Variants in CDKL4 observed in about 807,000 individuals in gnomAD.
The protein encoded by CDKL4 is cyclin dependent kinase like 4.
CDKL4 carries 44 observed loss-of-function variants against 42.0 expected under a neutral mutation model. The observed-to-expected ratio is 1.05, with a 90% CI of 0.82 to 1.35. The LOEUF (loss-of-function observed/expected upper bound fraction) is 1.35. CDKL4 is among the 40% of genes most tolerant of loss of function. The pLI is 0.00. For synonymous variants in CDKL4, 120 were observed against 121.6 expected (o/e 0.99, Z 0.09); for missense variants, 393 against 369.9 (o/e 1.06, Z -0.51).
chr2:39,174,870 T>C (rs1336388335), downstream of CDKL4, among the ~76,000 whole-genome samples: 3 of 152,180 alleles, frequency 2.0e-5, no homozygotes, highest in African/African-American at 7.2e-5. Context: ...GCAAAATTTA[T>C]AATTTTAAGT....
At chr2:39,189,246 G>A (rs1436615353) in intron 6 of CDKL4, among the ~76,000 whole-genome samples, 1 of 152,144 alleles carries the variant, frequency 6.6e-6, no homozygotes, top group Non-Finnish European at 1.5e-5. Context: ...TTGCATCCAT[G>A]CTGTTGGCAT....
chr2:39,206,087 T>G (rs1170334137), intron 4 of CDKL4, among the ~76,000 whole-genome samples: 1 of 151,484 alleles, frequency 6.6e-6, no homozygotes, highest in African/African-American at 2.4e-5. Flanking sequence ...AGAGTCTCAC[T>G]GTGTCGCCCA....
chr2:39,206,176 C>T (rs141099912), intron 4 of CDKL4, among the ~76,000 whole-genome samples: 5,355 of 152,128 alleles, frequency 0.035, 131 homozygotes, highest in South Asian at 0.068. Flanking sequence ...GCCTCAGCCT[C>T]CCGAGTGGCT....
upstream of CDKL4, among the ~76,000 whole-genome samples, chr2:39,244,077 C>A (rs1388315759): frequency 1.3e-5 from 2 of 152,236 alleles, no homozygotes; most frequent in Non-Finnish European, 2.9e-5. Flanking sequence ...GCTGGCAGCC[C>A]CAGCCCTGAT....
At position 39,215,819 on chromosome 2, in the gene CDKL4, A is replaced by G. The variant is rs184624065; in HGVS notation, c.291-2347T>C. Among the ~76,000 whole-genome samples, 204 of 152,328 alleles carry G rather than the reference A, an allele frequency of 1.3e-3. 3 individuals are homozygous for G. The highest frequency in any genetic ancestry group is 5.0e-4 in the Non-Finnish European group (34 of 68,028). ...ATTATGGTGGCATGTCCTTGACATC[A>G]GTGGCCCAGTGGCAACCCTTGACCC... On this transcript the variant is annotated intron_variant, in intron 3 of 9. Coordinates refer to ENST00000451199, the Ensembl canonical transcript of CDKL4.
At chr2:39,226,456 T>TATATATTATATATA in intron 2 of CDKL4, among the ~76,000 whole-genome samples, 1 of 137,422 alleles carries the variant, frequency 7.3e-6, no homozygotes. Flanking sequence ...TATATATATA[T>TATATATTATATATA]TATATATATT....
chr2:39,213,520 C>T (rs1451997687), intron 3 of CDKL4, 48 bp from the exon 4 acceptor site: 15 of 1,322,904 alleles, frequency 1.1e-5, no homozygotes, highest in Non-Finnish European at 1.6e-5. Flanking sequence ...GGATAGAGTT[C>T]CAGAAGCAAG....
At chr2:39,225,714 G>C in intron 3 of CDKL4, 125 bp downstream of exon 3, 2 of 880,020 alleles carry the variant, frequency 2.3e-6, no homozygotes, top group South Asian at 3.8e-5. Flanking sequence ...GACTGGATGG[G>C]GTAGCCAGAT....
chr2:39,221,024 G>GTTTTTTT (rs1678325298), intron 3 of CDKL4, among the ~76,000 whole-genome samples: 1 of 55,028 alleles, frequency 1.8e-5, no homozygotes, highest in African/African-American at 7.3e-5. Flanking sequence ...TTTTGTTTTT[G>GTTTTTTT]TTTTTTGAGA....
At chr2:39,200,475 C>G (rs953871947) in intron 5 of CDKL4, among the ~76,000 whole-genome samples, 4 of 151,914 alleles carry the variant, frequency 2.6e-5, no homozygotes, top group African/African-American at 9.7e-5. Flanking sequence ...CTTCACAGAA[C>G]TTGAAAAAAC....
At chr2:39,213,976 G>A (rs1392522783) in intron 3 of CDKL4, among the ~76,000 whole-genome samples, 2 of 152,006 alleles carry the variant, frequency 1.3e-5, no homozygotes, top group Non-Finnish European at 2.9e-5. Flanking sequence ...GGAGTGCAGT[G>A]GCATGATCTC....
intron 5 of CDKL4, among the ~76,000 whole-genome samples, chr2:39,192,883 T>C (rs1473007309): frequency 6.6e-6 from 1 of 151,988 alleles, no homozygotes; most frequent in African/African-American, 2.4e-5. Context: ...CCCAGCACTT[T>C]GGGAGGCAAA....
intron 3 of CDKL4, among the ~76,000 whole-genome samples, chr2:39,221,001 G>GTTTT (rs1678311355): frequency 2.5e-5 from 2 of 78,824 alleles, no homozygotes; most frequent in Non-Finnish European, 4.6e-5. Context: ...TTTTTTTTTT[G>GTTTT]TTTTTTTTTT....
intron 5 of CDKL4, among the ~76,000 whole-genome samples, chr2:39,191,582 A>G (rs1450611261): frequency 6.6e-6 from 1 of 152,174 alleles, no homozygotes; most frequent in Non-Finnish European, 1.5e-5. Context: ...CCAGGAAACT[A>G]ATGCAGCACT....
chr2:39,190,835 T>C (rs1572957226), intron 5 of CDKL4, among the ~76,000 whole-genome samples: 1 of 152,228 alleles, frequency 6.6e-6, no homozygotes, highest in Non-Finnish European at 1.5e-5. Flanking sequence ...ATGGTGGTTG[T>C]TGTGCACTGA....
intron 6 of CDKL4, among the ~76,000 whole-genome samples, chr2:39,189,687 A>G (rs1676058600): frequency 6.6e-6 from 1 of 152,240 alleles, no homozygotes; most frequent in Non-Finnish European, 1.5e-5. Context: ...TTTAAAAGTC[A>G]AAAAAGATTT....
At chr2:39,216,945 C>T (rs2148361127) in intron 3 of CDKL4, among the ~76,000 whole-genome samples, 1 of 152,232 alleles carries the variant, frequency 6.6e-6, no homozygotes, top group Middle Eastern at 3.4e-3. Context: ...CAGTTAGCTT[C>T]CAAGAAGGCA....
chr2:39,206,604 G>A (rs1677211775), intron 4 of CDKL4, among the ~76,000 whole-genome samples: 1 of 152,158 alleles, frequency 6.6e-6, no homozygotes, highest in African/African-American at 2.4e-5. Flanking sequence ...GGACTTTACA[G>A]TTTATCCACG....
intron 3 of CDKL4, among the ~76,000 whole-genome samples, chr2:39,223,151 T>A (rs1445960015): frequency 6.6e-6 from 1 of 152,172 alleles, no homozygotes; most frequent in South Asian, 2.1e-4. Flanking sequence ...GCTGGCTGCA[T>A]ATTGTACTAT....
Sources: allele counts gnomAD v4.1 joint callset (sites outside exome capture counted in the v4.1 genomes callset), GRCh38; gene constraint gnomAD v4.1.1; transcripts MANE v1.5; gene names NCBI Gene and HGNC (gene_info 2026-07-23, HGNC 2026-07-21).